Variants in CAMTA1 observed in about 807,000 individuals in gnomAD.
CAMTA1 encodes calmodulin binding transcription activator 1, also known as calmodulin-binding transcription activator 1.
CAMTA1 carries 27 observed loss-of-function variants against 170.9 expected under a neutral mutation model. The ratio of observed to expected loss-of-function variants is 0.16; its 90% CI spans 0.12 to 0.22. CAMTA1 has a LOEUF of 0.22. CAMTA1 is among the 10% of genes least tolerant of loss of function. The pLI is 1.00. For missense variants in CAMTA1, 1,619 were observed against 2,217.2 expected (o/e 0.73, Z 5.42); for synonymous variants, 833 against 891.5 (o/e 0.93, Z 1.17).
Position 7,732,816 on chromosome 1 carries a change from C to T in CAMTA1, c.3066+217C>T, listed in dbSNP as rs1001652116. Among the ~76,000 whole-genome samples, 1 of 152,076 alleles carries T rather than the reference C, an allele frequency of 6.6e-6. No homozygotes were observed. The highest frequency in any genetic ancestry group is 1.5e-5 in the Non-Finnish European group (1 of 68,018). Reference sequence around the variant, plus strand: ...AATGTGGAGCTTCTCAGTTGTTTACCCCCCTAATCCTTAAGTTATCTCTAT... The same window carrying T: ...AATGTGGAGCTTCTCAGTTGTTTACTCCCCTAATCCTTAAGTTATCTCTAT... On this transcript the variant is annotated intron_variant, in intron 12 of 22. Transcript: ENST00000303635. The surrounding 1 kb of genome is among the most constrained non-coding windows in gnomAD (Gnocchi z 4.1).
At chr1:7,051,173 C>T (rs1706289407) in intron 3 of CAMTA1, among the ~76,000 whole-genome samples, 1 of 152,128 alleles carries the variant, frequency 6.6e-6, no homozygotes, top group African/African-American at 2.4e-5. Context: ...TGATACAGCA[C>T]CTCGGGTCTG....
chr1:6,956,074 T>C (rs1403408259), intron 3 of CAMTA1, among the ~76,000 whole-genome samples: 3 of 152,126 alleles, frequency 2.0e-5, no homozygotes, highest in Non-Finnish European at 4.4e-5. Flanking sequence ...CTCAGTTTCA[T>C]GCACACCGCT....
At chr1:7,202,701 AAC>A (rs1382538522) in intron 4 of CAMTA1, among the ~76,000 whole-genome samples, 22 of 152,184 alleles carry the variant, frequency 1.4e-4, no homozygotes, top group African/African-American at 5.1e-4. Context: ...ATTGGGTAAA[AAC>A]ACAATTATTT....
intron 6 of CAMTA1, among the ~76,000 whole-genome samples, chr1:7,521,979 A>G (rs2094371786): frequency 6.6e-6 from 1 of 152,246 alleles, no homozygotes; most frequent in African/African-American, 2.4e-5. Flanking sequence ...AGCTGCTGTG[A>G]ACATCACATG....
intron 4 of CAMTA1, among the ~76,000 whole-genome samples, chr1:7,141,733 A>G (rs17030366): frequency 0.015 from 2,341 of 152,248 alleles, 63 homozygotes; most frequent in African/African-American, 0.054. Flanking sequence ...ATATTTTATT[A>G]CTCTAATTAT....
intron 4 of CAMTA1, among the ~76,000 whole-genome samples, chr1:7,111,087 C>T (rs114243649): frequency 2.1e-3 from 319 of 152,330 alleles, no homozygotes; most frequent in African/African-American, 7.1e-3. Context: ...CTTCCCCCAT[C>T]TTGAGAGCCA....
intron 5 of CAMTA1, among the ~76,000 whole-genome samples, chr1:7,398,832 A>C (rs2149189229): frequency 6.6e-6 from 1 of 152,106 alleles, no homozygotes; most frequent in South Asian, 2.1e-4. Flanking sequence ...TGTAGTTACT[A>C]CGGGGTTTAC....
At chr1:6,960,132 T>C (rs1257260337) in intron 3 of CAMTA1, among the ~76,000 whole-genome samples, 1 of 152,272 alleles carries the variant, frequency 6.6e-6, no homozygotes, top group African/African-American at 2.4e-5. Context: ...TTAATTTTTC[T>C]TGAAATCTGT....
chr1:7,223,332 G>A (rs1322592145), intron 4 of CAMTA1, among the ~76,000 whole-genome samples: 1 of 152,138 alleles, frequency 6.6e-6, no homozygotes, highest in Non-Finnish European at 1.5e-5. Flanking sequence ...ATGTGCGTGT[G>A]AGTATGTGTA....
chr1:7,029,157 G>A (rs887469406), intron 3 of CAMTA1, among the ~76,000 whole-genome samples: 1 of 152,170 alleles, frequency 6.6e-6, no homozygotes, highest in African/African-American at 2.4e-5. Context: ...TGGGCGTAAT[G>A]CATGTGAGCC....
At chr1:7,171,749 G>A (rs554925068) in intron 4 of CAMTA1, among the ~76,000 whole-genome samples, 3 of 152,262 alleles carry the variant, frequency 2.0e-5, no homozygotes, top group East Asian at 1.9e-4. Flanking sequence ...CTGTACCCAC[G>A]GCTCAGGCAG....
chr1:7,422,894 T>G (rs1345738120), intron 5 of CAMTA1, among the ~76,000 whole-genome samples: 1 of 152,258 alleles, frequency 6.6e-6, no homozygotes, highest in Non-Finnish European at 1.5e-5. Context: ...AGGGGCCCTT[T>G]GCAAACCTTT....
intron 16 of CAMTA1, among the ~76,000 whole-genome samples, chr1:7,741,112 C>T (rs2096809868): frequency 6.6e-6 from 1 of 152,088 alleles, no homozygotes; most frequent in South Asian, 2.1e-4. Context: ...TAAACTATCT[C>T]CTAGAACTAA....
rs751829925 is a variant in CAMTA1, at chr1:7,007,307, A to G, written c.235-83997A>G. ...TCATCACTTAACTAAAGCTGAGGCC[A>G]GATAGAGGAGACTTGGAAGTGAGGG... On this transcript the variant is annotated intron_variant, in intron 3 of 22. Transcript: ENST00000303635. The surrounding 1 kb of genome is among the most constrained non-coding windows in gnomAD (Gnocchi z 4.5). Among the ~76,000 whole-genome samples the G allele has an allele frequency of 6.6e-6, 1 of 152,228 alleles. No individual in the cohort carries two copies. Among genetic ancestry groups the G allele is most frequent in the Non-Finnish European group, 1.5e-5 (1 of 68,042 alleles).
chr1:7,478,599 A>C (rs2093462302), intron 6 of CAMTA1, among the ~76,000 whole-genome samples: 1 of 152,218 alleles, frequency 6.6e-6, no homozygotes, highest in Non-Finnish European at 1.5e-5. Context: ...TCAGTCTCTT[A>C]ATCCTTCCGT....
chr1:7,181,614 C>T (rs189124364), intron 4 of CAMTA1, among the ~76,000 whole-genome samples: 14 of 152,092 alleles, frequency 9.2e-5, no homozygotes, highest in East Asian at 7.7e-4. Flanking sequence ...AGTTTGAGGA[C>T]GCAATAGCAA....
At chr1:6,879,335 T>C (rs751757973) in intron 3 of CAMTA1, among the ~76,000 whole-genome samples, 8 of 152,200 alleles carry the variant, frequency 5.3e-5, no homozygotes, top group Non-Finnish European at 1.0e-4. Context: ...TCCATTACTT[T>C]CTGGCTTGGG....
intron 5 of CAMTA1, among the ~76,000 whole-genome samples, chr1:7,415,233 C>T (rs1361750348): frequency 6.6e-6 from 1 of 151,892 alleles, no homozygotes; most frequent in Non-Finnish European, 1.5e-5. Flanking sequence ...AATGTATATT[C>T]TGTTGATTTG....
intron 11 of CAMTA1, among the ~76,000 whole-genome samples, chr1:7,724,338 G>A (rs957357718): frequency 1.2e-4 from 19 of 152,214 alleles, no homozygotes; most frequent in Non-Finnish European, 7.3e-5. Flanking sequence ...TTTGACAAAT[G>A]TGCCATGGTT....
Sources: allele counts gnomAD v4.1 joint callset (sites outside exome capture counted in the v4.1 genomes callset), GRCh38; gene constraint gnomAD v4.1.1; non-coding constraint Gnocchi (gnomAD v3.1); transcripts MANE v1.5; gene names NCBI Gene and HGNC (gene_info 2026-07-23, HGNC 2026-07-21).